MCMDC2: variants seen among roughly 807,000 people sequenced by gnomAD.
The protein encoded by MCMDC2 is minichromosome maintenance domain-containing protein 2.
In MCMDC2, 54 loss-of-function variants were observed where a neutral mutation model predicts 75.8. That is an observed-to-expected ratio of 0.71 (90% CI 0.57 to 0.89). MCMDC2 has a LOEUF of 0.89. MCMDC2 is among the 40% of genes least tolerant of loss of function. The pLI is 0.00. For missense variants in MCMDC2, 656 were observed against 780.4 expected, an observed-to-expected ratio of 0.84 and a Z score of 1.90; for synonymous variants, 249 against 274.6, an observed-to-expected ratio of 0.91 and a Z score of 0.92.
At chr8:66,885,196 G>A (rs545687834) in intron 9 of MCMDC2, among the ~76,000 whole-genome samples, 7 of 151,976 alleles carry the variant, frequency 4.6e-5, no homozygotes, top group African/African-American at 1.7e-4. Flanking sequence ...AGCCAGGTGT[G>A]GTGGCACGCG....
intron 14 of MCMDC2, among the ~76,000 whole-genome samples, chr8:66,911,193 C>T (rs1211161988): frequency 1.3e-5 from 2 of 152,072 alleles, no homozygotes; most frequent in African/African-American, 4.8e-5. Flanking sequence ...CCCCATAATC[C>T]CTACATGTCA....
intron 13 of MCMDC2, among the ~76,000 whole-genome samples, chr8:66,902,707 AAAAAATATATAT>A (rs1162475987): frequency 2.6e-3 from 311 of 121,116 alleles, no homozygotes; most frequent in Non-Finnish European, 4.5e-3. Flanking sequence ...AAAAAAAAAA[AAAAAATATATAT>A]ATATATATAT....
chr8:66,872,766 T>A (rs995435033), intron 1 of MCMDC2, among the ~76,000 whole-genome samples: 3 of 152,036 alleles, frequency 2.0e-5, no homozygotes, highest in African/African-American at 7.3e-5. Context: ...GAGACCAACC[T>A]GGCCAACATG....
downstream of MCMDC2, chr8:66,922,049 T>G (rs529840205): frequency 6.5e-6 from 1 of 152,966 alleles, no homozygotes; most frequent in East Asian, 1.9e-4. Flanking sequence ...ATTTTCATCA[T>G]TTGCTTCTGT....
chr8:66,870,820 G>T lies in MCMDC2; in HGVS notation c.-100G>T. The T allele has an allele frequency of 6.6e-6, 1 of 152,404 alleles. No homozygotes were observed. Among genetic ancestry groups the T allele is most frequent in the Non-Finnish European group, 1.5e-5 (1 of 68,060 alleles). 9.4% of individuals were successfully genotyped at this position (152,404 alleles called of 1,614,324 possible). On this transcript the variant is annotated 5_prime_UTR_variant, in exon 1 of 15. Coordinates refer to ENST00000422365, the MANE Select transcript of MCMDC2 (RefSeq NM_173518.5). ...AGGCGGAGAGCAACCGCCAAGCTTGGTGGGAGTCAAGGTGAGTGCAAAGCA... is the reference window on the plus strand; with the variant it reads ...AGGCGGAGAGCAACCGCCAAGCTTGTTGGGAGTCAAGGTGAGTGCAAAGCA...
At chr8:66,889,871 CA>C (rs1198224718) in intron 9 of MCMDC2, among the ~76,000 whole-genome samples, 28 of 152,018 alleles carry the variant, frequency 1.8e-4, no homozygotes, top group Non-Finnish European at 1.5e-5. Flanking sequence ...CAAAGACAAA[CA>C]AAAAACCCCA....
intron 7 of MCMDC2, among the ~76,000 whole-genome samples, chr8:66,879,141 T>C (rs574768584): frequency 6.6e-6 from 1 of 152,246 alleles, no homozygotes; most frequent in South Asian, 2.1e-4. Flanking sequence ...CATGTGTCTG[T>C]AGTCCTAGCT....
chr8:66,899,893 G>A (rs980570707), intron 12 of MCMDC2, among the ~76,000 whole-genome samples: 17 of 151,520 alleles, frequency 1.1e-4, no homozygotes, highest in South Asian at 4.2e-4. Flanking sequence ...AGGCTGAGGC[G>A]GGCAGATCAC....
intron 4 of MCMDC2, among the ~76,000 whole-genome samples, chr8:66,875,643 G>GC (rs1298921348): frequency 1.3e-5 from 2 of 152,122 alleles, no homozygotes; most frequent in African/African-American, 2.4e-5. Flanking sequence ...AATTCCCTTG[G>GC]TATTATGTAA....
chr8:66,888,876 C>G (rs1563375493), intron 9 of MCMDC2, among the ~76,000 whole-genome samples: 1 of 152,182 alleles, frequency 6.6e-6, no homozygotes. Flanking sequence ...CACTGTGTCT[C>G]ACCCCCAGAG....
intron 10 of MCMDC2, among the ~76,000 whole-genome samples, chr8:66,892,609 G>A (rs1000654281): frequency 6.6e-6 from 1 of 152,196 alleles, no homozygotes; most frequent in Non-Finnish European, 1.5e-5. Context: ...AATGGAGGAA[G>A]TACATGCTGA....
At chr8:66,907,664 G>C (rs1051886784) in intron 14 of MCMDC2, among the ~76,000 whole-genome samples, 3 of 152,182 alleles carry the variant, frequency 2.0e-5, no homozygotes, top group Non-Finnish European at 4.4e-5. Flanking sequence ...CTTTCACAAT[G>C]TTTGAACTAA....
In MCMDC2 at chr8:66,910,421, G is replaced by A. The variant is rs551825898; in HGVS notation, c.1879+5086G>A. On this transcript the variant is annotated intron_variant, in intron 14 of 14. Transcript: ENST00000422365. ...GAGGGGCTGTGCCCTACAAAGCCAC[G>A]GGGGCAGAGCTGCCCAAAGCTGTGG... Among the ~76,000 whole-genome samples, 85 of 152,338 alleles carry A rather than the reference G, an allele frequency of 5.6e-4. 2 individuals are homozygous for A. The highest frequency in any genetic ancestry group is 1.9e-3 in the African/African-American group (77 of 41,590).
intron 9 of MCMDC2, 131 bp from the exon 10 acceptor site, chr8:66,890,734 A>G: frequency 1.3e-6 from 1 of 787,490 alleles, no homozygotes; most frequent in Non-Finnish European, 2.0e-6. Context: ...TTAGTCATAT[A>G]TATTTTTATC....
intron 14 of MCMDC2, among the ~76,000 whole-genome samples, chr8:66,916,056 A>C (rs1813304154): frequency 6.6e-6 from 1 of 152,174 alleles, no homozygotes; most frequent in Non-Finnish European, 1.5e-5. Flanking sequence ...AGATGAGGCT[A>C]TGGAGACAGC....
At chr8:66,903,352 A>C (rs1812783478) in intron 13 of MCMDC2, among the ~76,000 whole-genome samples, 1 of 152,140 alleles carries the variant, frequency 6.6e-6, no homozygotes, top group Non-Finnish European at 1.5e-5. Flanking sequence ...ATTTTCTGCC[A>C]GTTCTTCATC....
chr8:66,916,659 G>C (rs1813335853), intron 14 of MCMDC2, among the ~76,000 whole-genome samples: 1 of 152,064 alleles, frequency 6.6e-6, no homozygotes, highest in African/African-American at 2.4e-5. Context: ...CTAAAGGGAG[G>C]GACTTTTAAG....
At chr8:66,884,545 G>C (rs1319971829) in intron 9 of MCMDC2, 2 of 150,802 alleles carry the variant, frequency 1.3e-5, no homozygotes, top group Non-Finnish European at 2.9e-5. Context: ...TTAGTATCTT[G>C]TATGCAAATC....
chr8:66,916,281 T>C (rs937772335), intron 14 of MCMDC2, among the ~76,000 whole-genome samples: 3 of 152,046 alleles, frequency 2.0e-5, no homozygotes, highest in South Asian at 2.1e-4. Flanking sequence ...GGTACATGTA[T>C]TGGCCATTTT....
Sources: allele counts gnomAD v4.1 joint callset (sites outside exome capture counted in the v4.1 genomes callset), GRCh38; gene constraint gnomAD v4.1.1; transcripts MANE v1.5; gene names NCBI Gene and HGNC (gene_info 2026-07-23, HGNC 2026-07-21).